The following DCUN1D4 variants were observed in gnomAD, a reference collection of about 807,000 sequenced individuals.
DCUN1D4 encodes the protein DCN1-like protein 4.
In DCUN1D4, 22 loss-of-function variants were observed where a neutral mutation model predicts 47.9. The ratio of observed to expected loss-of-function variants is 0.46; its 90% CI spans 0.33 to 0.66. The LOEUF (loss-of-function observed/expected upper bound fraction) is 0.66, where lower values mean the gene tolerates loss of function less well. Among genes scored for constraint, DCUN1D4 ranks in the 30% least tolerant of loss-of-function variants. The pLI, the probability that DCUN1D4 is intolerant of heterozygous loss-of-function variation, is 0.02. For synonymous variants in DCUN1D4, 121 were observed against 112.2 expected (o/e 1.08, Z -0.50); for missense variants, 301 against 340.8 (o/e 0.88, Z 0.92).
chr4:51,848,484 T>C, intron 1 of DCUN1D4: 2 of 766,536 alleles, frequency 2.6e-6, no homozygotes, highest in South Asian at 1.2e-4. Flanking sequence ...TCACTGAAAG[T>C]CTTTCTTCAG....
chr4:51,904,780 A>T (rs1474853693), intron 8 of DCUN1D4, among the ~76,000 whole-genome samples: 1 of 152,160 alleles, frequency 6.6e-6, no homozygotes, highest in Non-Finnish European at 1.5e-5. Flanking sequence ...TGGAAGAAGA[A>T]CTCAAACCTC....
intron 6 of DCUN1D4, chr4:51,887,333 C>G (rs1729658453): frequency 3.5e-6 from 1 of 287,746 alleles, no homozygotes; most frequent in Non-Finnish European, 6.8e-6. Context: ...ATCTCCTGAC[C>G]TTGTGATCTG....
the DCUN1D4 span, among the ~76,000 whole-genome samples, chr4:51,834,110 T>TTTC: frequency 1.6e-5 from 2 of 127,162 alleles, no homozygotes; most frequent in African/African-American, 7.5e-5. Flanking sequence ...TTTCTTTTTT[T>TTTC]TTTCTTTTTT....
At chr4:51,868,857 C>T (rs1420585890) in intron 3 of DCUN1D4, among the ~76,000 whole-genome samples, 1 of 152,128 alleles carries the variant, frequency 6.6e-6, no homozygotes, top group African/African-American at 2.4e-5. Context: ...TGGTGGCTCA[C>T]GCCTGTAATC....
At chr4:51,862,014 A>G (rs146513457) in intron 1 of DCUN1D4, among the ~76,000 whole-genome samples, 2 of 152,290 alleles carry the variant, frequency 1.3e-5, no homozygotes, top group Non-Finnish European at 2.9e-5. Context: ...AAAAATCCAG[A>G]TTCTCAGCCA....
At chr4:51,847,092 C>A (rs1722665446) in intron 1 of DCUN1D4, among the ~76,000 whole-genome samples, 1 of 152,184 alleles carries the variant, frequency 6.6e-6, no homozygotes, top group East Asian at 1.9e-4. Context: ...TTACCAGCAT[C>A]TCTTGTAAGA....
At position 51,843,181 on chromosome 4, in the gene DCUN1D4, T is replaced by G. The variant is rs1383492923; in HGVS notation, c.-62T>G. 1 of 1,533,716 alleles carries G rather than the reference T, an allele frequency of 6.5e-7. No individual in the cohort carries two copies. The highest frequency in any genetic ancestry group is 2.0e-5 in the Admixed American group (1 of 49,694). On this transcript the variant is annotated 5_prime_UTR_variant, in exon 1 of 11. Transcript: ENST00000334635. ...TTCGAGCCGAGGTGCAGTGAGCTGGTGGGGGGACCGCGAGGCGAGCGCGGG... is the reference window on the plus strand; with the variant it reads ...TTCGAGCCGAGGTGCAGTGAGCTGGGGGGGGGACCGCGAGGCGAGCGCGGG...
At chr4:51,899,215 A>G (rs1731733431) in intron 7 of DCUN1D4, 55 bp from the exon 8 acceptor site, 2 of 1,479,494 alleles carry the variant, frequency 1.4e-6, no homozygotes, top group South Asian at 1.4e-5. Context: ...TGCCTCTATT[A>G]AAAAAATAAA....
intron 1 of DCUN1D4, chr4:51,843,676 G>A (rs1363690844): frequency 4.8e-6 from 6 of 1,246,956 alleles, no homozygotes; most frequent in South Asian, 7.3e-5. Context: ...GCGAGCGAGC[G>A]AGCGGGGCAC....
At chr4:51,901,870 G>C (rs1163876601) in intron 8 of DCUN1D4, among the ~76,000 whole-genome samples, 1 of 152,060 alleles carries the variant, frequency 6.6e-6, no homozygotes, top group African/African-American at 2.4e-5. Flanking sequence ...TTTAATCATT[G>C]CTTAATTACC....
At chr4:51,843,796 CGGGGGGGTGGGGG>C (rs1722004515) in intron 1 of DCUN1D4, 1 of 99,224 alleles carries the variant, frequency 1.0e-5, no homozygotes, top group African/African-American at 2.0e-4. Context: ...GGCTGGTTGG[CGGGGGGGTGGGGG>C]GGGGGCGGCG....
At chr4:51,911,294 G>C (rs1439120561) in intron 9 of DCUN1D4, 120 bp downstream of exon 9, 2 of 868,000 alleles carry the variant, frequency 2.3e-6, no homozygotes, top group African/African-American at 1.7e-5. Flanking sequence ...TAGGAATTAC[G>C]GTGACATAAT....
intron 1 of DCUN1D4, chr4:51,843,472 C>T: frequency 8.2e-7 from 1 of 1,212,788 alleles, no homozygotes; most frequent in Non-Finnish European, 1.1e-6. Flanking sequence ...GGGGAAGGGA[C>T]CGGCCTGCGG....
At chr4:51,842,407 A>C (rs998038832), upstream of DCUN1D4, among the ~76,000 whole-genome samples, 2 of 152,222 alleles carry the variant, frequency 1.3e-5, no homozygotes, top group Admixed American at 6.5e-5. Context: ...ACTAGAGGAA[A>C]GAAGTGTGCG....
At chr4:51,863,824 C>A in intron 3 of DCUN1D4, 115 bp downstream of exon 3, 1 of 1,129,952 alleles carries the variant, frequency 8.8e-7, no homozygotes, top group Non-Finnish European at 1.3e-6. Context: ...ACAAATTGTT[C>A]CTTGGCTGAG....
At chr4:51,875,477 G>C (rs1236217822) in intron 4 of DCUN1D4, 1 of 152,146 alleles carries the variant, frequency 6.6e-6, no homozygotes, top group Non-Finnish European at 1.5e-5. Flanking sequence ...CAGTTTCTGA[G>C]TTTCATTCTT....
chr4:51,856,366 A>G (rs1724138635), intron 1 of DCUN1D4, among the ~76,000 whole-genome samples: 1 of 152,244 alleles, frequency 6.6e-6, no homozygotes, highest in Non-Finnish European at 1.5e-5. Flanking sequence ...GTGCTTAAAA[A>G]TAGAAAGTTA....
intron 9 of DCUN1D4, among the ~76,000 whole-genome samples, chr4:51,912,999 A>G (rs942000562): frequency 2.6e-5 from 4 of 152,206 alleles, no homozygotes; most frequent in Non-Finnish European, 5.9e-5. Context: ...CATTTTATAT[A>G]AAATGGCTTT....
intron 1 of DCUN1D4, among the ~76,000 whole-genome samples, chr4:51,850,071 C>G (rs1723147188): frequency 6.6e-6 from 1 of 152,164 alleles, no homozygotes; most frequent in South Asian, 2.1e-4. Context: ...TGCTTCTCCT[C>G]CTGCCCCACT....
Sources: gnomAD v4.1 joint callset for allele counts (sites outside exome capture counted in the v4.1 genomes callset) on GRCh38, gnomAD v4.1.1 for gene constraint, MANE v1.5 for transcripts, NCBI Gene and HGNC (gene_info 2026-07-23, HGNC 2026-07-21) for gene names.